Variants in NPAS3 observed in about 807,000 individuals in gnomAD.
The protein encoded by NPAS3 is neuronal PAS domain protein 3.
A neutral mutation model predicts 73.1 loss-of-function variants in NPAS3; 14 were observed. That is an observed-to-expected ratio of 0.19 (90% CI 0.13 to 0.30). NPAS3 has a LOEUF of 0.30. Ranked by LOEUF, NPAS3 falls within the 10% of genes least tolerant of loss-of-function variation. The pLI is 1.00. For missense variants in NPAS3, 1,096 were observed against 1,250.0 expected (o/e 0.88, Z 1.86); for synonymous variants, 620 against 541.5 (o/e 1.14, Z -2.01).
At chr14:33,056,142 C>G in intron 2 of NPAS3, 148 bp downstream of exon 2, 1 of 537,882 alleles carries the variant, frequency 1.9e-6, no homozygotes, top group Non-Finnish European at 3.3e-6. Flanking sequence ...ACCAACAAAC[C>G]AAACCAAATA....
At chr14:33,586,241 G>GTTTTTTGTTTTTTTTTTTTTTTTTTTT (rs1237735843) in intron 5 of NPAS3, among the ~76,000 whole-genome samples, 1 of 148,726 alleles carries the variant, frequency 6.7e-6, no homozygotes, top group African/African-American at 2.5e-5. Context: ...GCAATCAGAT[G>GTTTTTTGTTTTTTTTTTTTTTTTTTTT]TTTTATTGAC....
At chr14:33,613,122 A>C (rs1285259592) in intron 5 of NPAS3, among the ~76,000 whole-genome samples, 2 of 152,202 alleles carry the variant, frequency 1.3e-5, no homozygotes, top group Non-Finnish European at 2.9e-5. Context: ...GGGGATTCAA[A>C]TATGGATAAT....
chr14:33,422,656 A>C (rs1485589431), intron 4 of NPAS3, among the ~76,000 whole-genome samples: 2 of 151,950 alleles, frequency 1.3e-5, no homozygotes, highest in Non-Finnish European at 1.5e-5. Context: ...AGGACCTAGA[A>C]GATTACCTGT....
chr14:33,675,744 T>C (rs557023580), intron 5 of NPAS3, among the ~76,000 whole-genome samples: 1 of 152,176 alleles, frequency 6.6e-6, no homozygotes, highest in Non-Finnish European at 1.5e-5. Flanking sequence ...TAAAAACACA[T>C]CTTGGAAATC....
At chr14:33,748,416 C>T (rs1379950612) in intron 7 of NPAS3, among the ~76,000 whole-genome samples, 1 of 152,114 alleles carries the variant, frequency 6.6e-6, no homozygotes, top group Non-Finnish European at 1.5e-5. Flanking sequence ...TTAACTTGTA[C>T]CCCACTTGTA....
At chr14:33,509,305 G>T (rs143164592) in intron 4 of NPAS3, among the ~76,000 whole-genome samples, 1 of 152,102 alleles carries the variant, frequency 6.6e-6, no homozygotes, top group Non-Finnish European at 1.5e-5. Flanking sequence ...GAACAGAAGA[G>T]AATCTAAGCG....
intron 4 of NPAS3, among the ~76,000 whole-genome samples, chr14:33,390,484 A>G (rs1430803517): frequency 6.6e-6 from 1 of 152,200 alleles, no homozygotes; most frequent in Non-Finnish European, 1.5e-5. Flanking sequence ...TATTTCTTTC[A>G]GCAGGAATTA....
chr14:33,002,294 CA>C (rs2038836094), intron 1 of NPAS3, among the ~76,000 whole-genome samples: 1 of 152,156 alleles, frequency 6.6e-6, no homozygotes, highest in Admixed American at 6.6e-5. Flanking sequence ...AATGATTACT[CA>C]ACAAATACTT....
intron 3 of NPAS3, among the ~76,000 whole-genome samples, chr14:33,357,382 T>G (rs770644687): frequency 3.3e-5 from 5 of 152,208 alleles, no homozygotes; most frequent in Non-Finnish European, 7.3e-5. Context: ...TTTGCCCAAG[T>G]GTGTGTGAAA....
intron 2 of NPAS3, among the ~76,000 whole-genome samples, chr14:33,126,599 G>C (rs546944383): frequency 3.3e-4 from 50 of 152,206 alleles, no homozygotes; most frequent in African/African-American, 1.1e-3. Context: ...GTGATGGATG[G>C]GAAGGGCTTG....
At chr14:33,075,991 A>G (rs2041644458) in intron 2 of NPAS3, among the ~76,000 whole-genome samples, 1 of 152,212 alleles carries the variant, frequency 6.6e-6, no homozygotes, top group Non-Finnish European at 1.5e-5. Flanking sequence ...TGATATCATA[A>G]TACAATTTTT....
Position 33,099,008 on chromosome 14 carries a change from G to A in NPAS3, c.140+43014G>A, listed in dbSNP as rs112794135. Among the ~76,000 whole-genome samples the A allele has an allele frequency of 9.2e-5, 14 of 152,242 alleles. 1 individual carries two copies. The highest frequency in any genetic ancestry group is 3.1e-4 in the African/African-American group (13 of 41,556). On this transcript the variant is annotated intron_variant, in intron 2 of 11. Coordinates refer to ENST00000356141, the Ensembl canonical transcript of NPAS3. Reference sequence around the variant, plus strand: ...AGCCAATCCTTGTATCCGTGGAGCCGAGTCTATCCAGAGAAAGAACCTTGC... The same window carrying A: ...AGCCAATCCTTGTATCCGTGGAGCCAAGTCTATCCAGAGAAAGAACCTTGC...
intron 1 of NPAS3, among the ~76,000 whole-genome samples, chr14:32,967,771 T>TGGG (rs71118518): frequency 1.4e-4 from 20 of 147,310 alleles, no homozygotes; most frequent in Non-Finnish European, 2.6e-4. Flanking sequence ...CAACAGCATG[T>TGGG]GGGGGGGGGT....
chr14:33,480,071 A>G (rs982899689), intron 4 of NPAS3, among the ~76,000 whole-genome samples: 2 of 152,200 alleles, frequency 1.3e-5, no homozygotes, highest in South Asian at 2.1e-4. Flanking sequence ...GAAAAGAAGC[A>G]CGAAGCCCTT....
At chr14:33,622,833 T>C (rs1157440114) in intron 5 of NPAS3, among the ~76,000 whole-genome samples, 1 of 152,160 alleles carries the variant, frequency 6.6e-6, no homozygotes, top group Non-Finnish European at 1.5e-5. Context: ...CTGCAGAGAT[T>C]TTTTTTCCCA....
At chr14:33,198,173 G>A (rs1290178184) in intron 2 of NPAS3, among the ~76,000 whole-genome samples, 2 of 152,182 alleles carry the variant, frequency 1.3e-5, no homozygotes, top group South Asian at 2.1e-4. Flanking sequence ...TAAAGTCAGT[G>A]CGGACCCAAA....
chr14:33,307,935 T>C (rs891213015), intron 3 of NPAS3, among the ~76,000 whole-genome samples: 3 of 152,176 alleles, frequency 2.0e-5, no homozygotes, highest in African/African-American at 7.2e-5. Context: ...GTTGGAACAC[T>C]ACCCCTCATG....
At chr14:33,363,246 C>T (rs1419663976) in intron 3 of NPAS3, among the ~76,000 whole-genome samples, 1 of 152,108 alleles carries the variant, frequency 6.6e-6, no homozygotes, top group Non-Finnish European at 1.5e-5. Flanking sequence ...CTGGTGTATT[C>T]CCCAAAGAAG....
chr14:33,684,999 G>A (rs1353135468), intron 6 of NPAS3, among the ~76,000 whole-genome samples: 4 of 152,232 alleles, frequency 2.6e-5, no homozygotes, highest in African/African-American at 9.6e-5. Context: ...GAATTAGCTT[G>A]AGGGAAGAAC....
Sources: gnomAD v4.1 joint callset for allele counts (sites outside exome capture counted in the v4.1 genomes callset) on GRCh38, gnomAD v4.1.1 for gene constraint, MANE v1.5 for transcripts, NCBI Gene and HGNC (gene_info 2026-07-23, HGNC 2026-07-21) for gene names.